ZMAT4: variants seen among roughly 807,000 people sequenced by gnomAD.
ZMAT4 encodes zinc finger matrin-type protein 4.
A neutral mutation model predicts 28.7 loss-of-function variants in ZMAT4; 17 were observed. The ratio of observed to expected loss-of-function variants is 0.59; its 90% CI spans 0.41 to 0.89. The LOEUF is 0.89. Ranked by LOEUF, ZMAT4 falls within the 40% of genes least tolerant of loss-of-function variation. ZMAT4 has a pLI of 0.00. For synonymous variants in ZMAT4, 117 were observed against 109.2 expected, an observed-to-expected ratio of 1.07 and a Z score of -0.44; for missense variants, 240 against 283.8, an observed-to-expected ratio of 0.85 and a Z score of 1.11.
At chr8:40,739,219 G>T (rs1811897302) in intron 3 of ZMAT4, among the ~76,000 whole-genome samples, 1 of 152,118 alleles carries the variant, frequency 6.6e-6, no homozygotes, top group African/African-American at 2.4e-5. Flanking sequence ...TCAGTCACAT[G>T]GGCAAAAGAA....
intron 5 of ZMAT4, among the ~76,000 whole-genome samples, chr8:40,587,109 T>C (rs936293419): frequency 8.1e-6 from 1 of 122,774 alleles, no homozygotes; most frequent in Admixed American, 8.1e-5. Context: ...CAAAAAGTGA[T>C]AAAAGAAAAA....
chr8:40,786,915 A>G (rs1054657452), intron 2 of ZMAT4: 7 of 348,762 alleles, frequency 2.0e-5, no homozygotes, highest in African/African-American at 1.5e-4. Flanking sequence ...TTAAAACAGA[A>G]CAGACAGAGT....
chr8:40,823,248 A>T (rs551459087), intron 2 of ZMAT4, among the ~76,000 whole-genome samples: 3 of 152,272 alleles, frequency 2.0e-5, no homozygotes, highest in South Asian at 2.1e-4. Context: ...TAGTAAGATG[A>T]TTACAAATGA....
intron 6 of ZMAT4, among the ~76,000 whole-genome samples, chr8:40,550,926 T>C (rs1168194412): frequency 3.3e-5 from 5 of 152,178 alleles, no homozygotes; most frequent in African/African-American, 9.6e-5. Flanking sequence ...TAAAACAATA[T>C]ATAATAGGAG....
At chr8:40,815,801 A>G (rs146589546) in intron 2 of ZMAT4, among the ~76,000 whole-genome samples, 1 of 152,348 alleles carries the variant, frequency 6.6e-6, no homozygotes, top group African/African-American at 2.4e-5. Flanking sequence ...GTCTAAGTCA[A>G]TAGCTTGTTA....
At chr8:40,614,004 C>T (rs1403540403) in intron 5 of ZMAT4, among the ~76,000 whole-genome samples, 2 of 152,242 alleles carry the variant, frequency 1.3e-5, no homozygotes, top group Non-Finnish European at 2.9e-5. Flanking sequence ...ATGGAGAGTC[C>T]ATAAGTGTCC....
At chr8:40,765,655 C>T (rs1338910131) in intron 3 of ZMAT4, among the ~76,000 whole-genome samples, 1 of 152,186 alleles carries the variant, frequency 6.6e-6, no homozygotes, top group Non-Finnish European at 1.5e-5. Context: ...TGTAAACTGT[C>T]CTTGCGGTTA....
chr8:40,862,596 A>AG (rs1817539259), intron 1 of ZMAT4, among the ~76,000 whole-genome samples: 1 of 146,894 alleles, frequency 6.8e-6, no homozygotes, highest in Admixed American at 6.8e-5. Flanking sequence ...AAAAAAAAAA[A>AG]AAAAGAAAAT....
At chr8:40,581,362 A>G in intron 5 of ZMAT4, 101 bp from the exon 6 acceptor site, 1 of 906,760 alleles carries the variant, frequency 1.1e-6, no homozygotes. Context: ...GTCGGAGATA[A>G]CTCCTGATCT....
At chr8:40,671,177 G>A (rs1372440303) in intron 5 of ZMAT4, among the ~76,000 whole-genome samples, 1 of 152,020 alleles carries the variant, frequency 6.6e-6, no homozygotes, top group Non-Finnish European at 1.5e-5. Flanking sequence ...TTAAAAGACT[G>A]ACATGAGCAG....
At chr8:40,663,786 T>C (rs1808295595) in intron 5 of ZMAT4, among the ~76,000 whole-genome samples, 1 of 152,226 alleles carries the variant, frequency 6.6e-6, no homozygotes, top group Non-Finnish European at 1.5e-5. Context: ...TAATTTAGAA[T>C]TGTGTTCTAT....
intron 3 of ZMAT4, among the ~76,000 whole-genome samples, chr8:40,732,275 C>T (rs1811572803): frequency 7.9e-6 from 1 of 126,098 alleles, no homozygotes; most frequent in Admixed American, 8.2e-5. Flanking sequence ...GAAAAAAAGA[C>T]AAAGGGACCT....
At chr8:40,886,761 T>C (rs559160240) in intron 1 of ZMAT4, among the ~76,000 whole-genome samples, 171 of 152,310 alleles carry the variant, frequency 1.1e-3, no homozygotes, top group African/African-American at 3.9e-3. Context: ...TTTATTTTTC[T>C]TGATGTCTCA....
At chr8:40,630,364 A>G (rs932914794) in intron 5 of ZMAT4, among the ~76,000 whole-genome samples, 2 of 152,230 alleles carry the variant, frequency 1.3e-5, no homozygotes, top group African/African-American at 2.4e-5. Flanking sequence ...TTAGTGGATT[A>G]TCTTCTCTAG....
At chr8:40,672,441 GT>G (rs1487418277) in intron 5 of ZMAT4, among the ~76,000 whole-genome samples, 1 of 152,132 alleles carries the variant, frequency 6.6e-6, no homozygotes, top group Non-Finnish European at 1.5e-5. Context: ...CGTGTGGAAA[GT>G]TTGGTTTCAA....
intron 5 of ZMAT4, among the ~76,000 whole-genome samples, chr8:40,665,452 T>A (rs1488259367): frequency 6.6e-6 from 1 of 152,168 alleles, no homozygotes; most frequent in Non-Finnish European, 1.5e-5. Flanking sequence ...CAGCAGTATG[T>A]CTTCTCTTTC....
chr8:40,850,652 G>A (rs995043517), intron 1 of ZMAT4, among the ~76,000 whole-genome samples: 2 of 152,300 alleles, frequency 1.3e-5, no homozygotes, highest in East Asian at 3.9e-4. Flanking sequence ...GCTGTCTCCA[G>A]TCCCTGAGTT....
At chr8:40,876,565 C>A (rs1373979614) in intron 1 of ZMAT4, among the ~76,000 whole-genome samples, 1 of 152,220 alleles carries the variant, frequency 6.6e-6, no homozygotes, top group Non-Finnish European at 1.5e-5. Flanking sequence ...ATCCTACCAC[C>A]TCAGCCTCCA....
intron 3 of ZMAT4, among the ~76,000 whole-genome samples, chr8:40,752,144 G>A (rs562969173): frequency 2.6e-5 from 4 of 152,230 alleles, no homozygotes; most frequent in Admixed American, 1.3e-4. Context: ...ATTCCCCCAG[G>A]AAGCCATCCA....
Sources: allele counts gnomAD v4.1 joint callset (sites outside exome capture counted in the v4.1 genomes callset), GRCh38; gene constraint gnomAD v4.1.1; transcripts MANE v1.5; gene names NCBI Gene and HGNC (gene_info 2026-07-23, HGNC 2026-07-21).